The following GRIK4 variants were observed in gnomAD, a reference collection of about 807,000 sequenced individuals.
The protein encoded by GRIK4 is glutamate ionotropic receptor kainate type subunit 4.
A neutral mutation model predicts 104.9 loss-of-function variants in GRIK4; 40 were observed. The ratio of observed to expected loss-of-function variants is 0.38; its 90% CI spans 0.30 to 0.50. The LOEUF (loss-of-function observed/expected upper bound fraction) is 0.50, where lower values mean the gene tolerates loss of function less well. GRIK4 is among the 20% of genes least tolerant of loss of function. GRIK4 has a pLI of 0.93. For synonymous variants in GRIK4, 485 were observed against 524.9 expected (o/e 0.92, Z 1.04); for missense variants, 1,047 against 1,308.1 (o/e 0.80, Z 3.08).
chr11:120,762,604 T>G (rs757418160), intron 3 of GRIK4, among the ~76,000 whole-genome samples: 2 of 152,250 alleles, frequency 1.3e-5, no homozygotes, highest in African/African-American at 4.8e-5. Flanking sequence ...TATTTTGAGA[T>G]ACGTTCCATC....
chr11:120,843,725 A>G (rs1256968847), intron 8 of GRIK4, among the ~76,000 whole-genome samples: 1 of 151,938 alleles, frequency 6.6e-6, no homozygotes, highest in East Asian at 1.9e-4. Context: ...AAAAATTGTG[A>G]GGTTGTATTA....
intron 7 of GRIK4, among the ~76,000 whole-genome samples, chr11:120,835,612 G>A (rs898558718): frequency 3.9e-5 from 6 of 152,158 alleles, no homozygotes; most frequent in African/African-American, 1.4e-4. Context: ...GAGGAAAAAT[G>A]TAATCATCCT....
At chr11:120,539,024 T>C (rs1948005884) in intron 1 of GRIK4, among the ~76,000 whole-genome samples, 5 of 152,208 alleles carry the variant, frequency 3.3e-5, no homozygotes, top group Admixed American at 3.3e-4. Context: ...TTCTTGGGTG[T>C]ACCCAAGGCC....
chr11:120,691,338 C>T (rs1950359555), intron 3 of GRIK4, among the ~76,000 whole-genome samples: 1 of 152,102 alleles, frequency 6.6e-6, no homozygotes, highest in Non-Finnish European at 1.5e-5. Flanking sequence ...GAGGAGGGAA[C>T]CAATAGACAC....
chr11:120,578,567 T>C (rs1426509300), intron 1 of GRIK4, among the ~76,000 whole-genome samples: 1 of 152,192 alleles, frequency 6.6e-6, no homozygotes, highest in Non-Finnish European at 1.5e-5. Context: ...ATGTTCCACC[T>C]TCCCTCCCTT....
intron 3 of GRIK4, among the ~76,000 whole-genome samples, chr11:120,666,736 G>A (rs767699127): frequency 6.6e-6 from 1 of 152,168 alleles, no homozygotes; most frequent in Non-Finnish European, 1.5e-5. Flanking sequence ...ATGGGCTGAT[G>A]GTATCTATTC....
At chr11:120,799,313 G>A (rs762627436) in intron 3 of GRIK4, among the ~76,000 whole-genome samples, 1 of 152,206 alleles carries the variant, frequency 6.6e-6, no homozygotes, top group Non-Finnish European at 1.5e-5. Flanking sequence ...GGTGGAGGGA[G>A]GACAGGGAGA....
chr11:120,537,632 G>A (rs1260070707), intron 1 of GRIK4, among the ~76,000 whole-genome samples: 2 of 152,162 alleles, frequency 1.3e-5, no homozygotes, highest in Non-Finnish European at 1.5e-5. Context: ...TAGGCCTGCA[G>A]ATGCTCTGCA....
rs1436460226 is a variant in GRIK4 at position 120,956,368 on chromosome 11, A to AT, written c.1701-405dup. Among the ~76,000 whole-genome samples the AT allele has an allele frequency of 1.1e-4, 17 of 151,540 alleles. No homozygotes were observed. The highest frequency in any genetic ancestry group is 2.5e-4 in the Non-Finnish European group (17 of 67,892). On this transcript the variant is annotated intron_variant, in intron 15 of 20. Coordinates refer to ENST00000527524, the MANE Select transcript of GRIK4 (RefSeq NM_014619.5). This position sits in a 1 kb window ranked among gnomAD's most constrained non-coding sequence, Gnocchi z 4.6. ...AGGCACACACCACCATACCTGGCTA[A>AT]TTTTTTTGTATTTTTTAGTAGAGAC...
chr11:120,797,301 A>C (rs189484724), intron 3 of GRIK4, among the ~76,000 whole-genome samples: 1 of 152,228 alleles, frequency 6.6e-6, no homozygotes, highest in East Asian at 1.9e-4. Context: ...GCCGTATCAT[A>C]TTATTCCTCA....
intron 3 of GRIK4, among the ~76,000 whole-genome samples, chr11:120,742,202 C>T (rs529921741): frequency 1.2e-4 from 19 of 152,062 alleles, no homozygotes; most frequent in African/African-American, 2.7e-4. Flanking sequence ...AAAAGTTAGC[C>T]GGGCATGTTG....
rs1942776517 is a variant in GRIK4 at position 120,902,975 on chromosome 11, T to G, written c.1273-2315T>G. Among the ~76,000 whole-genome samples, 1 of 152,110 alleles carries G rather than the reference T, an allele frequency of 6.6e-6. No homozygotes were observed. The highest frequency in any genetic ancestry group is 1.5e-5 in the Non-Finnish European group (1 of 68,018). On this transcript the variant is annotated intron_variant, in intron 12 of 20. Transcript: ENST00000527524. This position sits in a 1 kb window ranked among gnomAD's most constrained non-coding sequence, Gnocchi z 4.5. ...CTCCCGCTCCCTGACACATGACCTT[T>G]GCCTTCTGGCTGCCCACTTCATCAC...
At chr11:120,877,509 A>C (rs762663833) in intron 11 of GRIK4, among the ~76,000 whole-genome samples, 1 of 152,196 alleles carries the variant, frequency 6.6e-6, no homozygotes, top group Non-Finnish European at 1.5e-5. Context: ...CTTTTCTCTG[A>C]GCCCCAATGT....
chr11:120,873,778 G>C (rs752155313), intron 9 of GRIK4: 12 of 275,386 alleles, frequency 4.4e-5, no homozygotes, highest in Non-Finnish European at 7.5e-5. Flanking sequence ...GGAGCAGAGA[G>C]AAAAGGGTAC....
At chr11:120,721,562 A>G (rs1301951518) in intron 3 of GRIK4, among the ~76,000 whole-genome samples, 1 of 152,144 alleles carries the variant, frequency 6.6e-6, no homozygotes, top group Admixed American at 6.5e-5. Context: ...CTGTGGGAAG[A>G]ACCAGGTGAA....
At chr11:120,696,824 C>T (rs1163662569) in intron 3 of GRIK4, among the ~76,000 whole-genome samples, 1 of 152,150 alleles carries the variant, frequency 6.6e-6, no homozygotes, top group East Asian at 1.9e-4. Flanking sequence ...CTGCTCTTTG[C>T]ACCCTCCTTG....
chr11:120,544,947 C>T (rs928892154), intron 1 of GRIK4, among the ~76,000 whole-genome samples: 12 of 152,190 alleles, frequency 7.9e-5, no homozygotes, highest in Admixed American at 1.3e-4. Flanking sequence ...TCCCAGGGTG[C>T]GCTCAGTGTG....
chr11:120,650,777 T>A (rs944427130), intron 1 of GRIK4, among the ~76,000 whole-genome samples: 143 of 152,172 alleles, frequency 9.4e-4, no homozygotes, highest in Non-Finnish European at 1.3e-3. Flanking sequence ...GCATTCGGTA[T>A]GTGTACATGC....
chr11:120,648,568 T>C (rs1265871022), intron 1 of GRIK4, among the ~76,000 whole-genome samples: 1 of 152,180 alleles, frequency 6.6e-6, no homozygotes, highest in Admixed American at 6.5e-5. Context: ...GAGCTCCAGC[T>C]TCTCTCTGGG....
Sources: gnomAD v4.1 joint callset for allele counts (sites outside exome capture counted in the v4.1 genomes callset) on GRCh38, gnomAD v4.1.1 for gene constraint, Gnocchi (gnomAD v3.1) non-coding constraint, MANE v1.5 for transcripts, NCBI Gene and HGNC (gene_info 2026-07-23, HGNC 2026-07-21) for gene names.